The following DHRSX variants were observed in gnomAD, a reference collection of about 807,000 sequenced individuals.
The protein encoded by DHRSX is polyprenol dehydrogenase.
A neutral mutation model predicts 34.0 loss-of-function variants in DHRSX; 31 were observed. The observed-to-expected ratio is 0.91, with a 90% confidence interval of 0.69 to 1.23. The LOEUF (loss-of-function observed/expected upper bound fraction) is 1.23, where lower values mean the gene tolerates loss of function less well. Among genes scored for constraint, DHRSX ranks in the 50% most tolerant of loss-of-function variants. DHRSX has a pLI of 0.00. For synonymous variants in DHRSX, 201 were observed against 183.8 expected, an observed-to-expected ratio of 1.09 and a Z score of -0.76; for missense variants, 414 against 428.1, an observed-to-expected ratio of 0.97 and a Z score of 0.29.
chrX:2,445,093 G>GTTAGAGA (rs1351930829), intron 1 of DHRSX, among the ~76,000 whole-genome samples: 1 of 152,106 alleles, frequency 6.6e-6, no homozygotes, highest in African/African-American at 2.4e-5. Context: ...GGAGGTAGAG[G>GTTAGAGA]TTACAGTGAG....
intron 3 of DHRSX, among the ~76,000 whole-genome samples, chrX:2,392,190 A>AGGGAGGGTG (rs1291481363): frequency 1.3e-5 from 2 of 152,204 alleles, no homozygotes; most frequent in African/African-American, 4.8e-5. Flanking sequence ...TATGACGGTC[A>AGGGAGGGTG]GGGAGGGTGA....
chrX:2,457,426 G>A (rs1353677291), intron 1 of DHRSX, among the ~76,000 whole-genome samples: 3 of 150,652 alleles, frequency 2.0e-5, no homozygotes, highest in South Asian at 2.1e-4. Context: ...CACTGAAGAC[G>A]TTCCCTAAGC....
chrX:2,430,171 T>A (rs2043899568), intron 1 of DHRSX, among the ~76,000 whole-genome samples: 1 of 147,154 alleles, frequency 6.8e-6, no homozygotes, highest in African/African-American at 2.5e-5. Flanking sequence ...GTTTTGGAGG[T>A]GCCCGTGGGG....
chrX:2,290,278 C>G (rs761981950), intron 4 of DHRSX, among the ~76,000 whole-genome samples: 1 of 151,988 alleles, frequency 6.6e-6, no homozygotes, highest in Non-Finnish European at 1.5e-5. Context: ...AAACACGAAA[C>G]ACATCAAGAC....
intron 4 of DHRSX, among the ~76,000 whole-genome samples, chrX:2,268,323 A>G (rs181725387): frequency 6.6e-6 from 1 of 152,306 alleles, no homozygotes; most frequent in African/African-American, 2.4e-5. Context: ...GCCAATGTAG[A>G]TATGTATTTG....
intron 1 of DHRSX, among the ~76,000 whole-genome samples, chrX:2,496,357 C>A (rs752355836): frequency 6.7e-6 from 1 of 149,354 alleles, no homozygotes; most frequent in African/African-American, 2.4e-5. Context: ...CACTGCCACA[C>A]CCAGCTAATT....
intron 3 of DHRSX, among the ~76,000 whole-genome samples, chrX:2,390,964 A>G (rs1289845959): frequency 6.6e-6 from 1 of 152,208 alleles, no homozygotes; most frequent in Admixed American, 6.5e-5. Flanking sequence ...GTTAGCCCAC[A>G]TCGCAGCATG....
At chrX:2,374,332 C>G (rs2043115158) in intron 3 of DHRSX, among the ~76,000 whole-genome samples, 1 of 152,100 alleles carries the variant, frequency 6.6e-6, no homozygotes, top group Non-Finnish European at 1.5e-5. Flanking sequence ...TGAGGCCAGG[C>G]TCAGGGCTGT....
At chrX:2,231,223 A>G (rs1483977784) in intron 6 of DHRSX, among the ~76,000 whole-genome samples, 1 of 152,040 alleles carries the variant, frequency 6.6e-6, no homozygotes, top group African/African-American at 2.4e-5. Context: ...GAGCCACCAG[A>G]GAGTCCATCA....
chrX:2,295,017 C>G (rs148277965), intron 3 of DHRSX, among the ~76,000 whole-genome samples: 1 of 152,052 alleles, frequency 6.6e-6, no homozygotes, highest in Non-Finnish European at 1.5e-5. Flanking sequence ...GACAGTGTGG[C>G]GATTCCTCAA....
intron 2 of DHRSX, among the ~76,000 whole-genome samples, chrX:2,424,543 A>T (rs949735472): frequency 3.3e-5 from 5 of 152,152 alleles, no homozygotes; most frequent in Admixed American, 6.5e-5. Flanking sequence ...GAATTGTGAA[A>T]AATAAATTTT....
chrX:2,473,909 T>G (rs1345963050), intron 1 of DHRSX, among the ~76,000 whole-genome samples: 2 of 147,522 alleles, frequency 1.4e-5, no homozygotes, highest in Non-Finnish European at 3.0e-5. Context: ...GACCATTTCT[T>G]GGTATCAAGC....
intron 3 of DHRSX, among the ~76,000 whole-genome samples, chrX:2,405,248 G>A (rs2043537541): frequency 6.6e-6 from 1 of 152,136 alleles, no homozygotes; most frequent in Non-Finnish European, 1.5e-5. Flanking sequence ...CAGCACTTTG[G>A]GAGGCTGAGG....
intron 6 of DHRSX, among the ~76,000 whole-genome samples, 184 bp from the exon 7 acceptor site, chrX:2,221,413 T>C (rs1338475763): frequency 1.3e-5 from 2 of 152,164 alleles, no homozygotes; most frequent in Non-Finnish European, 2.9e-5. Context: ...GTTGGGTTTC[T>C]TTACAACAGG....
intron 1 of DHRSX, among the ~76,000 whole-genome samples, chrX:2,431,802 G>A (rs6567730): frequency 0.42 from 63,166 of 151,886 alleles, 13,457 homozygotes; most frequent in Admixed American, 0.49. Flanking sequence ...ATTGAGTGCT[G>A]TGCTGACTAC....
chrX:2,267,259 A>G (rs1002331577), intron 4 of DHRSX, among the ~76,000 whole-genome samples: 1 of 152,182 alleles, frequency 6.6e-6, no homozygotes, highest in African/African-American at 2.4e-5. Flanking sequence ...AGGCGGGTGG[A>G]TCACCTGAGG....
In DHRSX at chrX:2,408,798, C is replaced by T; in HGVS notation, c.233G>A (p.Ser78Asn). The T allele has an allele frequency of 6.2e-7, 1 of 1,611,894 alleles. No individual in the cohort carries two copies. The highest frequency in any genetic ancestry group is 8.5e-7 in the Non-Finnish European group (1 of 1,179,376). The change falls in exon 3 of 7, where the codon AGC (serine) becomes AAC (asparagine). Residue 78 changes from serine to asparagine, a missense_variant. Physicochemically the swap from Ser to Asn is conservative, Grantham distance 46. Transcript: ENST00000334651. The stretch of plus-strand genomic sequence containing the variant: ...TTTGCTTACAACTTGTTTGGCTTTG[C>T]TGTCATTATTTCCAGCTAAAAGGAA... ...MHVIIAGNND[S>N]KAKQVVSKIK...
At chrX:2,230,864 A>T (rs1012953666) in intron 6 of DHRSX, among the ~76,000 whole-genome samples, 10 of 152,144 alleles carry the variant, frequency 6.6e-5, no homozygotes, top group African/African-American at 2.4e-4. Flanking sequence ...GAGTCAATTA[A>T]ACTAAATCTT....
intron 1 of DHRSX, among the ~76,000 whole-genome samples, chrX:2,467,012 C>G (rs372604213): frequency 6.6e-6 from 1 of 151,098 alleles, no homozygotes; most frequent in East Asian, 1.9e-4. Flanking sequence ...TTGCAGTGAG[C>G]CGAGATCGCG....
Sources: allele counts gnomAD v4.1 joint callset (sites outside exome capture counted in the v4.1 genomes callset), GRCh38; gene constraint gnomAD v4.1.1; transcripts MANE v1.5; gene names NCBI Gene and HGNC (gene_info 2026-07-23, HGNC 2026-07-21).